Variants in NXPH1 observed in about 807,000 individuals in gnomAD.
NXPH1 encodes neurexophilin-1.
A neutral mutation model predicts 23.7 loss-of-function variants in NXPH1; 5 were observed. The ratio of observed to expected loss-of-function variants is 0.21; its 90% confidence interval spans 0.11 to 0.44. The LOEUF is 0.44. Ranked by LOEUF, NXPH1 falls within the 20% of genes least tolerant of loss-of-function variation. NXPH1 has a pLI of 0.99. For missense variants in NXPH1, 324 were observed against 321.6 expected (o/e 1.01, Z -0.06); for synonymous variants, 144 against 122.2 (o/e 1.18, Z -1.18).
chr7:8,555,717 A>G (rs1214391213), intron 2 of NXPH1, among the ~76,000 whole-genome samples: 1 of 151,628 alleles, frequency 6.6e-6, no homozygotes, highest in East Asian at 2.0e-4. Flanking sequence ...TCCTTCACAG[A>G]TCTTGGCTAT....
At chr7:8,652,864 C>CT (rs1015425239) in intron 2 of NXPH1, among the ~76,000 whole-genome samples, 1 of 152,066 alleles carries the variant, frequency 6.6e-6, no homozygotes, top group Non-Finnish European at 1.5e-5. Flanking sequence ...ATTTAATTCT[C>CT]TTTTTTGTGT....
chr7:8,592,104 G>C (rs1220482988), intron 2 of NXPH1, among the ~76,000 whole-genome samples: 1 of 151,974 alleles, frequency 6.6e-6, no homozygotes, highest in Non-Finnish European at 1.5e-5. Flanking sequence ...AACTGTAAGG[G>C]TACTATGGAG....
chr7:8,578,486 G>C (rs536282752), intron 2 of NXPH1, among the ~76,000 whole-genome samples: 62 of 152,184 alleles, frequency 4.1e-4, no homozygotes, highest in Non-Finnish European at 8.4e-4. Flanking sequence ...GATAATAGTA[G>C]TGACTTAGAA....
intron 2 of NXPH1, among the ~76,000 whole-genome samples, chr7:8,663,311 C>A (rs1820708957): frequency 6.6e-6 from 1 of 152,080 alleles, no homozygotes; most frequent in Non-Finnish European, 1.5e-5. Flanking sequence ...CTTTTTAAAT[C>A]CCTTTGGAAG....
intron 2 of NXPH1, among the ~76,000 whole-genome samples, chr7:8,610,847 C>A (rs139413404): frequency 1.3e-5 from 2 of 151,712 alleles, no homozygotes; most frequent in African/African-American, 4.8e-5. Flanking sequence ...AACAGGAGGG[C>A]AGACTGCTAT....
chr7:8,618,304 T>TG, intron 2 of NXPH1, among the ~76,000 whole-genome samples: 1 of 152,286 alleles, frequency 6.6e-6, no homozygotes, highest in Middle Eastern at 3.4e-3. Context: ...CTGATGCCAC[T>TG]GATTCATCTG....
chr7:8,740,341 G>T (rs1780339885), intron 2 of NXPH1, among the ~76,000 whole-genome samples: 2 of 152,118 alleles, frequency 1.3e-5, no homozygotes, highest in Admixed American at 1.3e-4. Flanking sequence ...GCCATTGTTT[G>T]GATGGCAAGA....
chr7:8,707,234 T>G (rs1166126908), intron 2 of NXPH1, among the ~76,000 whole-genome samples: 1 of 152,174 alleles, frequency 6.6e-6, no homozygotes, highest in Admixed American at 6.5e-5. Context: ...TGTAAACACA[T>G]TATGCTTTTT....
chr7:8,704,759 A>G (rs936223248), intron 2 of NXPH1, among the ~76,000 whole-genome samples: 104 of 152,198 alleles, frequency 6.8e-4, no homozygotes, highest in African/African-American at 2.5e-3. Context: ...GTAAAAAAAA[A>G]AAGATAAAAT....
At chr7:8,447,420 G>C (rs1269309513) in intron 2 of NXPH1, among the ~76,000 whole-genome samples, 1 of 152,198 alleles carries the variant, frequency 6.6e-6, no homozygotes. Flanking sequence ...AATTGCTATT[G>C]ATGTGGAGAT....
At chr7:8,446,112 C>T (rs925312929) in intron 2 of NXPH1, among the ~76,000 whole-genome samples, 7 of 152,100 alleles carry the variant, frequency 4.6e-5, no homozygotes, top group African/African-American at 1.4e-4. Flanking sequence ...ATTGCATCTA[C>T]TTAAAATAGG....
intron 2 of NXPH1, among the ~76,000 whole-genome samples, chr7:8,579,570 C>G (rs1455048245): frequency 2.0e-5 from 3 of 152,102 alleles, no homozygotes; most frequent in Non-Finnish European, 4.4e-5. Context: ...CGGGGTTTCT[C>G]CATGTTGGTC....
intron 2 of NXPH1, among the ~76,000 whole-genome samples, chr7:8,544,891 A>G (rs534925888): frequency 2.0e-5 from 3 of 151,616 alleles, no homozygotes; most frequent in African/African-American, 7.3e-5. Context: ...GCAATGTCTT[A>G]TCTTCTTTTA....
At chr7:8,714,034 C>G (rs750847057) in intron 2 of NXPH1, among the ~76,000 whole-genome samples, 3 of 152,214 alleles carry the variant, frequency 2.0e-5, no homozygotes, top group Non-Finnish European at 4.4e-5. Context: ...CAAAGCCAAA[C>G]AAGGCCCTGG....
chr7:8,538,307 T>G (rs989436965), intron 2 of NXPH1, among the ~76,000 whole-genome samples: 2 of 151,926 alleles, frequency 1.3e-5, no homozygotes, highest in Admixed American at 6.6e-5. Context: ...CTAGGCCCCT[T>G]CTTGTCTTTT....
At chr7:8,479,225 C>A (rs988745223) in intron 2 of NXPH1, among the ~76,000 whole-genome samples, 5 of 152,012 alleles carry the variant, frequency 3.3e-5, no homozygotes, top group Non-Finnish European at 7.4e-5. Context: ...AGTGGGGATA[C>A]AAATGAGGTA....
intron 2 of NXPH1, among the ~76,000 whole-genome samples, chr7:8,483,965 C>CTTTTTTT (rs60436502): frequency 3.0e-5 from 4 of 132,336 alleles, no homozygotes; most frequent in African/African-American, 6.2e-5. Flanking sequence ...CTCCCCCCAC[C>CTTTTTTT]TTTTTTTTTT....
At chr7:8,452,396 C>A (rs1816521830) in intron 2 of NXPH1, among the ~76,000 whole-genome samples, 1 of 152,092 alleles carries the variant, frequency 6.6e-6, no homozygotes, top group Non-Finnish European at 1.5e-5. Context: ...CCTCCTGTTC[C>A]CATTTTTGAT....
chr7:8,571,762 A>G (rs1818654135), intron 2 of NXPH1, among the ~76,000 whole-genome samples: 1 of 151,924 alleles, frequency 6.6e-6, no homozygotes, highest in African/African-American at 2.4e-5. Flanking sequence ...GTAAGACACA[A>G]CAAAGCTTGG....
Sources: allele counts gnomAD v4.1 joint callset (sites outside exome capture counted in the v4.1 genomes callset), GRCh38; gene constraint gnomAD v4.1.1; transcripts MANE v1.5; gene names NCBI Gene and HGNC (gene_info 2026-07-23, HGNC 2026-07-21).